Variants in HIBCH observed in about 807,000 individuals in gnomAD.
HIBCH encodes 3-hydroxyisobutyryl-CoA hydrolase.
A neutral mutation model predicts 58.2 loss-of-function variants in HIBCH; 50 were observed. The observed-to-expected ratio is 0.86, with a 90% confidence interval of 0.68 to 1.09. HIBCH has a LOEUF of 1.09. Ranked by LOEUF, HIBCH falls within the 50% of genes least tolerant of loss-of-function variation. The pLI is 0.00. For synonymous variants in HIBCH, 151 were observed against 146.9 expected, an observed-to-expected ratio of 1.03 and a Z score of -0.20; for missense variants, 450 against 449.7, an observed-to-expected ratio of 1.00 and a Z score of -0.01.
intron 6 of HIBCH, among the ~76,000 whole-genome samples, chr2:190,263,887 T>C (rs559972946): frequency 2.3e-4 from 35 of 151,656 alleles, no homozygotes; most frequent in Non-Finnish European, 4.4e-4. Context: ...CCATCTACAC[T>C]ATTACGACCC....
At chr2:190,251,351 C>G (rs1327713090) in intron 8 of HIBCH, 1 of 199,430 alleles carries the variant, frequency 5.0e-6, no homozygotes, top group Non-Finnish European at 1.1e-5. Flanking sequence ...TGTGCATTAC[C>G]TAGGATAGGC....
At chr2:190,205,614 A>C (rs1690371508) in intron 13 of HIBCH, among the ~76,000 whole-genome samples, 1 of 152,172 alleles carries the variant, frequency 6.6e-6, no homozygotes, top group Admixed American at 6.5e-5. Flanking sequence ...GGGCAGAGGG[A>C]CCAGATGTGC....
In HIBCH at chr2:190,315,752, ATAT is replaced by A. The variant is rs1334467075; in HGVS notation, c.35+3961_35+3963del. Among the ~76,000 whole-genome samples the A allele has an allele frequency of 1.3e-5, 2 of 152,222 alleles. No individual in the cohort carries two copies. Among genetic ancestry groups the A allele is most frequent in the Admixed American group, 1.3e-4 (2 of 15,280 alleles). ...GCAGATGTGGAAACAGAAGGGAGTG[ATAT>A]TATTAAGAGTTTTTATAAAGTAAAA... On this transcript the variant is annotated intron_variant, in intron 1 of 13. Transcript: ENST00000359678. This position sits in a 1 kb window ranked among gnomAD's most constrained non-coding sequence, Gnocchi z 5.4.
intron 4 of HIBCH, among the ~76,000 whole-genome samples, chr2:190,292,228 G>A (rs1434520251): frequency 2.0e-5 from 3 of 152,000 alleles, no homozygotes; most frequent in African/African-American, 4.8e-5. Flanking sequence ...GTGATCTGCC[G>A]GCTCGGGCCT....
chr2:190,317,102 G>A (rs578056019), intron 1 of HIBCH, among the ~76,000 whole-genome samples: 22 of 152,058 alleles, frequency 1.4e-4, no homozygotes, highest in Admixed American at 1.3e-3. Context: ...CTTATTTTTT[G>A]TAGAAACGGG....
At chr2:190,271,037 T>C (rs912304871) in intron 6 of HIBCH, among the ~76,000 whole-genome samples, 10 of 152,026 alleles carry the variant, frequency 6.6e-5, no homozygotes, top group African/African-American at 2.4e-4. Context: ...TTATTTACCA[T>C]TCTAGGAGGT....
rs953125151 is a variant in HIBCH, at chr2:190,217,790, C to T, written c.892-4715G>A. On this transcript the variant is annotated intron_variant, in intron 11 of 13. Coordinates refer to ENST00000359678, the MANE Select transcript of HIBCH (RefSeq NM_014362.4). This position sits in a 1 kb window ranked among gnomAD's most constrained non-coding sequence, Gnocchi z 4.6. ...CTAATCACTAAAACAGCCACATAAA[C>T]AGCTGAACCGGGGTGAGCACATTAC... 1.3e-5 allele frequency among the ~76,000 whole-genome samples: 2 copies of T among 152,164 alleles called. No homozygotes were observed. The highest frequency in any genetic ancestry group is 2.9e-5 in the Non-Finnish European group (2 of 68,034).
At chr2:190,195,941 C>CTTTTTTTT (rs35679833) in intron 1 of HIBCH, among the ~76,000 whole-genome samples, 6 of 86,192 alleles carry the variant, frequency 7.0e-5, no homozygotes, top group Non-Finnish European at 9.3e-5. Context: ...CTGTGTCCAG[C>CTTTTTTTT]TTTTTTTTTT....
chr2:190,319,824 C>T lies in HIBCH; in HGVS notation c.-74G>A, dbSNP rs1264981064. 5.1e-6 allele frequency: 8 copies of T among 1,560,432 alleles called. No individual in the cohort carries two copies. The South Asian group carries it at 7.0e-5, about 14-fold the overall frequency. ...GTTCCAGCGCCTCGCGTGAGCCCCG[C>T]CCACCGCCGTCCTGCGCCGCCGGGC... is the stretch of plus-strand genomic sequence containing the variant. On this transcript the variant is annotated 5_prime_UTR_variant, in exon 1 of 14. Transcript: ENST00000359678.
intron 5 of HIBCH, 43 bp downstream of exon 5, chr2:190,290,362 T>C: frequency 7.4e-7 from 1 of 1,346,472 alleles, no homozygotes; most frequent in Non-Finnish European, 1.1e-6. Context: ...GTCCACCTCA[T>C]TTCTTTATTC....
chr2:190,296,837 A>C lies in HIBCH; in HGVS notation c.195T>G (p.Ile65Met). ...CCTTTAGCTGTGGATAAATCTGCCG[A>C]ATCATATTAAGAGTCAGTGCATTGA... ...KFLNALTLNM[I>M]RQIYPQLKKW... The change falls in exon 3 of 14, where the codon ATT (isoleucine) becomes ATG (methionine). Residue 65 changes from isoleucine to methionine, a missense_variant. Coordinates refer to ENST00000359678, the MANE Select transcript of HIBCH (RefSeq NM_014362.4). 1 of 1,614,060 alleles carries C rather than the reference A, an allele frequency of 6.2e-7. No individual in the cohort carries two copies. Among genetic ancestry groups the C allele is most frequent in the South Asian group, 1.1e-5 (1 of 91,082 alleles).
chr2:190,244,925 GT>G lies in HIBCH; in HGVS notation c.852del (p.Leu284PhefsTer10), dbSNP rs1131692017. On this transcript the variant is annotated frameshift_variant, in exon 11 of 14. Coordinates refer to ENST00000359678, the MANE Select transcript of HIBCH (RefSeq NM_014362.4). LOFTEE classifies it high-confidence loss of function. Reference sequence around the variant, plus strand: ...AGGGCAAAAGATGAACCATCTTGCTGTAAGTTTTCAATAATTTCTTCCACAG... The same window carrying G: ...AGGGCAAAAGATGAACCATCTTGCTGAAGTTTTCAATAATTTCTTCCACAG... ...ANTVEEIIEN[L>X]QQDGSSFALE... 1.4e-5 allele frequency: 22 copies of G among 1,611,652 alleles called. No homozygotes were observed. The highest frequency in any genetic ancestry group is 1.9e-5 in the Non-Finnish European group (22 of 1,177,794).
At chr2:190,235,912 T>C (rs183684518) in intron 11 of HIBCH, among the ~76,000 whole-genome samples, 2 of 152,362 alleles carry the variant, frequency 1.3e-5, no homozygotes, top group African/African-American at 4.8e-5. Context: ...TGAGAACAGA[T>C]ACTGGATTGT....
In HIBCH at chr2:190,249,682, T is replaced by C. The variant is rs751213786; in HGVS notation, c.708A>G (p.Ser236=). The C allele has an allele frequency of 6.2e-7, 1 of 1,609,486 alleles. No individual in the cohort carries two copies. Among genetic ancestry groups the C allele is most frequent in the African/African-American group, 1.3e-5 (1 of 74,848 alleles). ...EEDLLALKSP[S]KENIASVLEN... ...CTAAGACAGATGCAATATTTTCTTT[T>C]GAAGGAGATTTCAAGGCTAACAAAT... The change falls in exon 9 of 14, where the codon TCA becomes TCG. Residue 236 remains serine, a synonymous_variant. Coordinates refer to ENST00000359678, the MANE Select transcript of HIBCH (RefSeq NM_014362.4).
chr2:190,297,026 T>C, intron 2 of HIBCH, 73 bp from the exon 3 acceptor site: 3 of 1,374,204 alleles, frequency 2.2e-6, no homozygotes, highest in Non-Finnish European at 3.1e-6. Context: ...AAAACATACA[T>C]ATCAAATGCA....
intron 2 of HIBCH, among the ~76,000 whole-genome samples, chr2:190,302,872 G>T (rs765656288): frequency 2.9e-4 from 44 of 152,318 alleles, no homozygotes; most frequent in Middle Eastern, 3.4e-3. Flanking sequence ...GGAAATCAGT[G>T]AAATGACTGA....
intron 11 of HIBCH, among the ~76,000 whole-genome samples, chr2:190,241,610 C>T (rs570012708): frequency 2.4e-4 from 36 of 152,290 alleles, no homozygotes; most frequent in African/African-American, 8.2e-4. Flanking sequence ...CCAGTCTTTC[C>T]TTTCCATATT....
rs1482535955 is a variant in HIBCH, at chr2:190,242,624, T to C, written c.891+2263A>G. On this transcript the variant is annotated intron_variant, in intron 11 of 13. Transcript: ENST00000359678. ...GGTTTTTGTGTGGGTGTCCTTTTTG[T>C]TGACATGAGGTGCTTGCTGAAGACA... Among the ~76,000 whole-genome samples the C allele has an allele frequency of 2.6e-5, 4 of 152,098 alleles. No homozygotes were observed. The East Asian group carries it at 5.8e-4, about 22-fold the overall frequency.
chr2:190,288,249 C>T (rs1687880492), intron 5 of HIBCH, among the ~76,000 whole-genome samples: 1 of 150,866 alleles, frequency 6.6e-6, no homozygotes, highest in Admixed American at 6.6e-5. Context: ...TCCAAATTAA[C>T]CCATAATTCA....
Sources: allele counts gnomAD v4.1 joint callset (sites outside exome capture counted in the v4.1 genomes callset), GRCh38; gene constraint gnomAD v4.1.1; non-coding constraint Gnocchi (gnomAD v3.1); transcripts MANE v1.5; gene names NCBI Gene and HGNC (gene_info 2026-07-23, HGNC 2026-07-21).